NLRP11: variants seen among roughly 807,000 people sequenced by gnomAD.
NLRP11 encodes NLR family pyrin domain containing 11, also known as NACHT, LRR and PYD domains-containing protein 11.
In NLRP11, 53 loss-of-function variants were observed where a neutral mutation model predicts 79.3. The ratio of observed to expected loss-of-function variants is 0.67; its 90% confidence interval spans 0.54 to 0.84. The LOEUF (loss-of-function observed/expected upper bound fraction) is 0.84. Among genes scored for constraint, NLRP11 ranks in the 40% least tolerant of loss-of-function variants. The probability of loss-of-function intolerance (pLI) is 0.00; values close to 1 mark genes in which losing one functional copy is unlikely to be tolerated. For synonymous variants in NLRP11, 518 were observed against 462.6 expected, an observed-to-expected ratio of 1.12 and a Z score of -1.54; for missense variants, 1,264 against 1,255.0, an observed-to-expected ratio of 1.01 and a Z score of -0.11.
At chr19:55,800,350 G>A (rs895262155) in intron 5 of NLRP11, among the ~76,000 whole-genome samples, 2 of 152,128 alleles carry the variant, frequency 1.3e-5, no homozygotes, top group Non-Finnish European at 2.9e-5. Context: ...TTGTTGCCCA[G>A]GCTGGAACGT....
At chr19:55,788,182 C>T (rs1460736565) in intron 9 of NLRP11, among the ~76,000 whole-genome samples, 2 of 152,078 alleles carry the variant, frequency 1.3e-5, no homozygotes, top group Non-Finnish European at 2.9e-5. Flanking sequence ...TGAGAATTGC[C>T]TATTTTTATT....
chr19:55,796,349 A>G, intron 5 of NLRP11, 99 bp from the exon 6 acceptor site: 1 of 923,270 alleles, frequency 1.1e-6, no homozygotes, highest in Non-Finnish European at 1.6e-6. Context: ...ACCAAGTGCG[A>G]TGATGTCTAC....
chr19:55,791,822 C>T (rs1990251182), intron 7 of NLRP11, among the ~76,000 whole-genome samples: 1 of 152,126 alleles, frequency 6.6e-6, no homozygotes, highest in Admixed American at 6.5e-5. Flanking sequence ...TTGCATCATG[C>T]CTAAATTAGA....
chr19:55,831,003 GAACCAGTATATTGTTCC>G (rs1285687587), intron 1 of NLRP11, among the ~76,000 whole-genome samples: 1 of 151,714 alleles, frequency 6.6e-6, no homozygotes, highest in African/African-American at 2.4e-5. Flanking sequence ...TTGGGCCCAG[GAACCAGTATATTGTTCC>G]AATCCCCCCT....
At chr19:55,785,777 A>G (rs751137056) in exon 10 of NLRP11, 4 of 1,614,114 alleles carry the variant, frequency 2.5e-6, no homozygotes, top group Non-Finnish European at 3.4e-6. Flanking sequence ...TCCTTTAAAG[A>G]CCAAGTTTCA....
intron 4 of NLRP11, 33 bp from the exon 5 acceptor site, chr19:55,801,772 T>C (rs766594421): frequency 4.4e-5 from 70 of 1,589,680 alleles, no homozygotes; most frequent in Non-Finnish European, 5.6e-5. Context: ...AAAGCACTAG[T>C]GAAGGTCTGA....
At chr19:55,804,570 C>A (rs188222257) in intron 4 of NLRP11, among the ~76,000 whole-genome samples, 10 of 151,412 alleles carry the variant, frequency 6.6e-5, no homozygotes, top group African/African-American at 1.5e-4. Flanking sequence ...AACTCATGGA[C>A]CTGAAGAGGA....
At chr19:55,795,425 C>G (rs549533528) in intron 6 of NLRP11, among the ~76,000 whole-genome samples, 1 of 152,300 alleles carries the variant, frequency 6.6e-6, no homozygotes, top group African/African-American at 2.4e-5. Flanking sequence ...TATAGGTTCC[C>G]TGCTCTTAGA....
upstream of NLRP11, among the ~76,000 whole-genome samples, chr19:55,834,903 T>A (rs1047742892): frequency 1.3e-5 from 2 of 152,132 alleles, no homozygotes; most frequent in African/African-American, 4.8e-5. Flanking sequence ...ACATATCTCT[T>A]AGGGGAACAT....
chr19:55,821,504 C>G (rs1981733293), intron 1 of NLRP11, among the ~76,000 whole-genome samples: 1 of 152,226 alleles, frequency 6.6e-6, no homozygotes, highest in Non-Finnish European at 1.5e-5. Flanking sequence ...CCTAACCCAA[C>G]TAGGGGATGG....
chr19:55,819,126 TACACAC>T (rs59055964), intron 1 of NLRP11, among the ~76,000 whole-genome samples: 6,260 of 104,764 alleles, frequency 0.06, 191 homozygotes, highest in South Asian at 0.077. Context: ...TGGTATCGCC[TACACAC>T]ACACACACAC....
chr19:55,830,567 CT>C (rs1333312683), intron 1 of NLRP11, among the ~76,000 whole-genome samples: 2 of 141,464 alleles, frequency 1.4e-5, no homozygotes, highest in Non-Finnish European at 3.0e-5. Context: ...ATTCCATAAG[CT>C]TTTTGCCTAG....
intron 6 of NLRP11, among the ~76,000 whole-genome samples, chr19:55,794,952 GC>G (rs1157097137): frequency 3.3e-5 from 5 of 152,078 alleles, no homozygotes; most frequent in African/African-American, 1.2e-4. Flanking sequence ...GCTAAAGGGA[GC>G]CAAAAATGGG....
chr19:55,828,174 C>A (rs996327537), intron 1 of NLRP11, among the ~76,000 whole-genome samples: 12 of 151,220 alleles, frequency 7.9e-5, no homozygotes, highest in African/African-American at 2.4e-4. Context: ...GAACAAAAAA[C>A]CAAACACTGC....
chr19:55,822,150 G>A (rs1044181190), intron 1 of NLRP11, among the ~76,000 whole-genome samples: 3 of 152,144 alleles, frequency 2.0e-5, no homozygotes, highest in Non-Finnish European at 4.4e-5. Context: ...TGTAATCCCA[G>A]CTATTTGGAA....
At chr19:55,805,978 A>G (rs1273518491) in intron 4 of NLRP11, among the ~76,000 whole-genome samples, 1 of 152,216 alleles carries the variant, frequency 6.6e-6, no homozygotes, top group East Asian at 1.9e-4. Context: ...GTCTCCTTGA[A>G]TAAGGACTGC....
intron 1 of NLRP11, among the ~76,000 whole-genome samples, chr19:55,821,731 CATTGTTAGTGATGGGAGA>C (rs1981759055): frequency 1.4e-5 from 2 of 138,648 alleles, no homozygotes; most frequent in Non-Finnish European, 3.0e-5. Context: ...AACCCATTAA[CATTGTTAGTGATGGGAGA>C]ACCCATTAAC....
chr19:55,819,048 T>C (rs1252440958), intron 1 of NLRP11, among the ~76,000 whole-genome samples: 1 of 151,740 alleles, frequency 6.6e-6, no homozygotes, highest in Non-Finnish European at 1.5e-5. Context: ...AGGGTCAAGA[T>C]GACTGCAAGG....
At chr19:55,788,567 C>T (rs58936082) in intron 9 of NLRP11, among the ~76,000 whole-genome samples, 3,402 of 151,170 alleles carry the variant, frequency 0.023, 108 homozygotes, top group African/African-American at 0.067. Flanking sequence ...GGTGAAACCC[C>T]GTCTCTACTA....
Sources: allele counts gnomAD v4.1 joint callset (sites outside exome capture counted in the v4.1 genomes callset), GRCh38; gene constraint gnomAD v4.1.1; transcripts MANE v1.5; gene names NCBI Gene and HGNC (gene_info 2026-07-23, HGNC 2026-07-21).